RELN: variants seen among roughly 807,000 people sequenced by gnomAD.
The protein encoded by RELN is reelin.
RELN carries 108 observed loss-of-function variants against 427.6 expected under a neutral mutation model. The observed-to-expected ratio is 0.25, with a 90% CI of 0.22 to 0.30. The LOEUF is 0.30. RELN is among the 10% of genes least tolerant of loss of function. The probability of loss-of-function intolerance (pLI) is 1.00; values close to 1 mark genes in which losing one functional copy is unlikely to be tolerated. For synonymous variants in RELN, 1,524 were observed against 1,513.4 expected (o/e 1.01, Z -0.16); for missense variants, 3,715 against 4,302.8 (o/e 0.86, Z 3.82).
intron 45 of RELN, among the ~76,000 whole-genome samples, chr7:103,536,129 C>G (rs362737): frequency 1.3e-5 from 2 of 151,856 alleles, no homozygotes; most frequent in African/African-American, 4.8e-5. Context: ...AAACTCTCTT[C>G]TGCTTATATA....
chr7:103,477,266 G>A (rs1828069914), intron 64 of RELN, among the ~76,000 whole-genome samples: 1 of 152,140 alleles, frequency 6.6e-6, no homozygotes, highest in Non-Finnish European at 1.5e-5. Context: ...CTTTAAAGGA[G>A]ACACAATCTT....
At chr7:103,942,303 C>T (rs1465046197) in intron 1 of RELN, among the ~76,000 whole-genome samples, 6 of 152,134 alleles carry the variant, frequency 3.9e-5, no homozygotes, top group Non-Finnish European at 7.3e-5. Flanking sequence ...CCACCCTCCC[C>T]GACAATCCCT....
chr7:103,831,436 A>G (rs1283863715), intron 3 of RELN, among the ~76,000 whole-genome samples: 2 of 144,052 alleles, frequency 1.4e-5, no homozygotes, highest in East Asian at 2.0e-4. Flanking sequence ...CCAATCTAAC[A>G]GAAAAGACAA....
At chr7:103,630,451 G>C (rs1361648570) in intron 19 of RELN, among the ~76,000 whole-genome samples, 6 of 152,112 alleles carry the variant, frequency 3.9e-5, no homozygotes, top group Non-Finnish European at 7.4e-5. Flanking sequence ...GTCTAGTAAA[G>C]GATCTTGGAC....
chr7:103,773,758 C>A (rs1355366086), intron 4 of RELN, among the ~76,000 whole-genome samples: 1 of 152,030 alleles, frequency 6.6e-6, no homozygotes, highest in Non-Finnish European at 1.5e-5. Context: ...GCATGACCCA[C>A]TGCGCGCGGC....
intron 2 of RELN, among the ~76,000 whole-genome samples, chr7:103,853,781 A>C (rs921684190): frequency 1.3e-5 from 2 of 152,078 alleles, no homozygotes; most frequent in East Asian, 3.8e-4. Flanking sequence ...TTGTAGATTA[A>C]AAGTTAATAG....
At chr7:103,680,587 T>A (rs1833630880) in intron 11 of RELN, among the ~76,000 whole-genome samples, 1 of 151,956 alleles carries the variant, frequency 6.6e-6, no homozygotes, top group African/African-American at 2.4e-5. Flanking sequence ...TAGAAAGACT[T>A]CTGTGCATTG....
At position 103,741,806 on chromosome 7, in the gene RELN, G is replaced by C. The variant is rs1431482993; in HGVS notation, c.656+7620C>G. Reference sequence around the variant, plus strand: ...CAATGCTGCAAGAAGATATTTGAGGGGGAGAAGAGCCAAGATGGCCGAATA... The same window carrying C: ...CAATGCTGCAAGAAGATATTTGAGGCGGAGAAGAGCCAAGATGGCCGAATA... On this transcript the variant is annotated intron_variant, in intron 6 of 64. Transcript: ENST00000428762. Among the ~76,000 whole-genome samples the C allele has an allele frequency of 2.0e-5, 3 of 152,146 alleles. 1 individual carries two copies. The highest frequency in any genetic ancestry group is 1.3e-4 in the Admixed American group (2 of 15,270).
chr7:103,604,883 G>A (rs949621357), intron 22 of RELN, among the ~76,000 whole-genome samples: 4 of 137,738 alleles, frequency 2.9e-5, no homozygotes, highest in Non-Finnish European at 4.6e-5. Context: ...AGGCTGGATT[G>A]CAATGGTGCG....
chr7:103,491,825 C>CTG, intron 58 of RELN, 128 bp downstream of exon 58: 1 of 323,424 alleles, frequency 3.1e-6, no homozygotes, highest in East Asian at 5.5e-5. Context: ...GCGAAACTGT[C>CTG]TCTCTCTCTC....
At chr7:103,701,508 T>G (rs1834091361) in intron 8 of RELN, among the ~76,000 whole-genome samples, 1 of 152,100 alleles carries the variant, frequency 6.6e-6, no homozygotes, top group African/African-American at 2.4e-5. Flanking sequence ...AATGAATGAG[T>G]ACTCTTATGG....
At chr7:103,901,348 G>T (rs1795081111) in intron 2 of RELN, among the ~76,000 whole-genome samples, 1 of 151,976 alleles carries the variant, frequency 6.6e-6, no homozygotes, top group African/African-American at 2.4e-5. Context: ...CAGTTTGGCA[G>T]TTCTTCAAAA....
chr7:103,754,681 C>T (rs1791090068), intron 4 of RELN, among the ~76,000 whole-genome samples: 1 of 152,046 alleles, frequency 6.6e-6, no homozygotes, highest in African/African-American at 2.4e-5. Flanking sequence ...GAGGCTGAGG[C>T]AGGAGGATCA....
chr7:103,686,170 C>T (rs1175938304), intron 10 of RELN, among the ~76,000 whole-genome samples: 1 of 152,070 alleles, frequency 6.6e-6, no homozygotes, highest in Non-Finnish European at 1.5e-5. Context: ...TTGGGCAATG[C>T]CAGCTTGCAG....
chr7:103,660,953 A>G (rs1223006991), intron 12 of RELN, among the ~76,000 whole-genome samples: 1 of 152,212 alleles, frequency 6.6e-6, no homozygotes, highest in Non-Finnish European at 1.5e-5. Context: ...TAAAGTATTA[A>G]CCTAAATTTC....
chr7:103,541,095 G>C (rs1213458470), intron 43 of RELN, among the ~76,000 whole-genome samples: 1 of 152,164 alleles, frequency 6.6e-6, no homozygotes, highest in East Asian at 1.9e-4. Flanking sequence ...GGTGGTGGTG[G>C]TGGCTGTGCC....
Position 103,792,055 on chromosome 7 carries a change from T to C in RELN, c.474-15428A>G, listed in dbSNP as rs567583765. On this transcript the variant is annotated intron_variant, in intron 3 of 64. Coordinates refer to ENST00000428762, the MANE Select transcript of RELN (RefSeq NM_005045.4). ...TCCCACAAGATAGAATAAAAAAAGA[T>C]AGACAATAATAAGTGTTGACAAGGA... Among the ~76,000 whole-genome samples the C allele has an allele frequency of 1.4e-4, 22 of 152,208 alleles. No homozygotes were observed. The East Asian group carries it at 3.9e-3, about 27-fold the overall frequency.
At chr7:103,946,569 GAATTA>G (rs1367765372) in intron 1 of RELN, among the ~76,000 whole-genome samples, 2 of 152,140 alleles carry the variant, frequency 1.3e-5, no homozygotes, top group Non-Finnish European at 2.9e-5. Flanking sequence ...AGAATATTAT[GAATTA>G]ATCAGCACTT....
In RELN at chr7:103,908,881, GGAGT is replaced by G. The variant is rs548584462; in HGVS notation, c.337+8190_337+8193del. On this transcript the variant is annotated intron_variant, in intron 2 of 64. Coordinates refer to ENST00000428762, the MANE Select transcript of RELN (RefSeq NM_005045.4). The stretch of plus-strand genomic sequence containing the variant: ...CAGCTCTGCTCTTTGTACATTGGCT[GGAGT>G]AATTTGTTTAATTAATCTGGAGTCT... Among the ~76,000 whole-genome samples the G allele has an allele frequency of 5.9e-5, 9 of 152,220 alleles. No homozygotes were observed. In the South Asian group the frequency reaches 1.9e-3, roughly 32 times the overall value.
Sources: gnomAD v4.1 joint callset for allele counts (sites outside exome capture counted in the v4.1 genomes callset) on GRCh38, gnomAD v4.1.1 for gene constraint, MANE v1.5 for transcripts, NCBI Gene and HGNC (gene_info 2026-07-23, HGNC 2026-07-21) for gene names.